WASHC2C: variants seen among roughly 807,000 people sequenced by gnomAD.
WASHC2C encodes the protein WASH complex subunit 2C.
In WASHC2C, 73 loss-of-function variants were observed where a neutral mutation model predicts 142.2. That is an observed-to-expected ratio of 0.51 (90% confidence interval 0.43 to 0.62). WASHC2C has a LOEUF of 0.62. Ranked by LOEUF, WASHC2C falls within the 20% of genes least tolerant of loss-of-function variation. WASHC2C has a pLI of 0.00. For missense variants in WASHC2C, 969 were observed against 1,531.7 expected, an observed-to-expected ratio of 0.63 and a Z score of 6.13; for synonymous variants, 337 against 565.5, an observed-to-expected ratio of 0.60 and a Z score of 5.73.
chr10:45,758,890 C>T, intron 16 of WASHC2C, among the ~76,000 whole-genome samples: 1 of 148,934 alleles, frequency 6.7e-6, no homozygotes, highest in Non-Finnish European at 1.5e-5. Flanking sequence ...GCCCTTCTGA[C>T]TGCTTGTCCT....
intron 15 of WASHC2C, 71 bp downstream of exon 15, chr10:45,755,186 C>G: frequency 1.9e-6 from 3 of 1,546,798 alleles, no homozygotes; most frequent in Non-Finnish European, 2.6e-6. Context: ...AACATAAGCT[C>G]ACCTAGTTCT....
At position 45,735,193 on chromosome 10, in the gene WASHC2C, T is replaced by A. The variant is rs1166763238; in HGVS notation, c.292-2790T>A. On this transcript the variant is annotated intron_variant, in intron 3 of 30. Transcript: ENST00000623400. The stretch of plus-strand genomic sequence containing the variant: ...GTCATGGTTATCAATCTTTGGCTTT[T>A]TACTTTTCTGTGTGAATTTGAGGAT... 2.6e-5 allele frequency among the ~76,000 whole-genome samples: 4 copies of A among 151,804 alleles called. No homozygotes were observed. In the East Asian group the frequency reaches 5.8e-4, roughly 22 times the overall value.
intron 13 of WASHC2C, 23 bp from the exon 14 acceptor site, chr10:45,754,463 T>A: frequency 6.3e-7 from 1 of 1,589,092 alleles, no homozygotes; most frequent in South Asian, 1.1e-5. Flanking sequence ...GTAAAATGGT[T>A]ACCCCTTGCT....
intron 17 of WASHC2C, among the ~76,000 whole-genome samples, chr10:45,761,877 C>G (rs1452698385): frequency 6.6e-6 from 1 of 152,150 alleles, no homozygotes; most frequent in Non-Finnish European, 1.5e-5. Context: ...CTGGAATCCC[C>G]CACGTGGCCT....
In WASHC2C at chr10:45,755,007, C is replaced by T. The variant is rs2054063901; in HGVS notation, c.1312C>T (p.Pro438Ser). 1.9e-6 allele frequency: 3 copies of T among 1,611,926 alleles called. No individual in the cohort carries two copies. The highest frequency in any genetic ancestry group is 2.5e-6 in the Non-Finnish European group (3 of 1,179,854). Residue 438 changes from proline to serine, a missense_variant, in exon 15 of 31, where the codon CCA becomes TCA. Pro to Ser is a moderately conservative substitution (Grantham distance 74, BLOSUM62 -1). Transcript: ENST00000623400. ...KEPQKPEQPT[P>S]RKSPYGPPPT... ...GCCACAGAAGCCTGAGCAGCCCACT[C>T]CAAGGAAAAGCCCCTATGGTCCCCC... is the stretch of plus-strand genomic sequence containing the variant.
At position 45,772,422 on chromosome 10, in the gene WASHC2C, A is replaced by C. The variant is rs185131054; in HGVS notation, c.2040-834A>C. 2.5e-3 allele frequency among the ~76,000 whole-genome samples: 379 copies of C among 152,338 alleles called. 3 individuals are homozygous for C. The highest frequency in any genetic ancestry group is 8.7e-3 in the African/African-American group (360 of 41,572). On this transcript the variant is annotated intron_variant, in intron 20 of 30. Transcript: ENST00000623400. Reference sequence around the variant, plus strand: ...AAACCATTGAAGTGTACGCACTTTAAAAGAGTGAATCTGGCCAGGTGCAAC... The same window carrying C: ...AAACCATTGAAGTGTACGCACTTTACAAGAGTGAATCTGGCCAGGTGCAAC...
chr10:45,737,726 G>A (rs376889142), intron 3 of WASHC2C, among the ~76,000 whole-genome samples: 1 of 151,242 alleles, frequency 6.6e-6, no homozygotes, highest in African/African-American at 2.4e-5. Flanking sequence ...GGTTTACAAC[G>A]AGGTTAAAGT....
At chr10:45,727,355 G>T in intron 1 of WASHC2C, 35 bp downstream of exon 1, 1 of 1,600,736 alleles carries the variant, frequency 6.2e-7, no homozygotes, top group Non-Finnish European at 8.5e-7. Flanking sequence ...GCCGGCCTGG[G>T]CTGGGGCCGC....
intron 17 of WASHC2C, among the ~76,000 whole-genome samples, chr10:45,761,269 A>G (rs2573388): frequency 0.018 from 2,186 of 124,122 alleles, 19 homozygotes; most frequent in African/African-American, 0.043. Flanking sequence ...CCTCTTACAT[A>G]CTGGCTCAGG....
rs781827135 is a variant in WASHC2C at position 45,787,152 on chromosome 10, G to A, written c.2992G>A (p.Gly998Ser). ...FPSSEHRRSH[G>S]LESVPVLPGS... ...TTCATCTGAACACAGAAGGAGCCAC[G>A]GTCTGGAAAGTGTGCCTGTCCTTCC... Residue 998 changes from glycine to serine, a missense_variant, in exon 28 of 31, where the codon GGT (glycine) becomes AGT (serine). By Grantham distance (56) the Gly-to-Ser change is moderately conservative. Coordinates refer to ENST00000623400, the MANE Select transcript of WASHC2C (RefSeq NM_001330074.2). The A allele has an allele frequency of 3.1e-5, 48 of 1,573,540 alleles. No individual in the cohort carries two copies. In the Admixed American group the frequency reaches 5.0e-4, roughly 16 times the overall value.
Position 45,771,193 on chromosome 10 carries a change from C to T in WASHC2C, c.2039+1575C>T, listed in dbSNP as rs556488105. Among the ~76,000 whole-genome samples the T allele has an allele frequency of 7.9e-5, 12 of 151,800 alleles. No individual in the cohort carries two copies. In the South Asian group the frequency reaches 1.5e-3, roughly 18 times the overall value. On this transcript the variant is annotated intron_variant, in intron 20 of 30. Coordinates refer to ENST00000623400, the MANE Select transcript of WASHC2C (RefSeq NM_001330074.2). ...CAGCCTGACCAACATGGTGAAACCC[C>T]GTCTCTACTAAAAATACAAAAATGA... is the stretch of plus-strand genomic sequence containing the variant.
chr10:45,729,887 C>G (rs188659307), intron 3 of WASHC2C, among the ~76,000 whole-genome samples: 20 of 152,242 alleles, frequency 1.3e-4, no homozygotes, highest in African/African-American at 4.6e-4. Context: ...ATGTAGTCAA[C>G]TTGTGCAGCA....
At position 45,750,816 on chromosome 10, in the gene WASHC2C, T is replaced by C. The variant is rs1346965643; in HGVS notation, c.909T>C (p.Gly303=). The C allele has an allele frequency of 4.5e-6, 7 of 1,548,346 alleles. No individual in the cohort carries two copies. Among genetic ancestry groups the C allele is most frequent in the South Asian group, 1.2e-5 (1 of 83,896 alleles). ...LAARIKGDAM[G]RVDEEPTTLP... ...CCCGCATCAAGGGGGATGCCATGGGTCGAGTGGACGAGGAGCCGACAAGTG... is the reference window on the plus strand; with the variant it reads ...CCCGCATCAAGGGGGATGCCATGGGCCGAGTGGACGAGGAGCCGACAAGTG... Residue 303 remains glycine, a synonymous_variant, in exon 10 of 31, where the codon GGT becomes GGC. Transcript: ENST00000623400.
intron 5 of WASHC2C, among the ~76,000 whole-genome samples, chr10:45,742,395 A>G (rs1209280146): frequency 1.3e-5 from 2 of 151,940 alleles, no homozygotes; most frequent in Non-Finnish European, 2.9e-5. Context: ...GCTCACTGCA[A>G]CCTCCACCTC....
chr10:45,766,179 C>A (rs1266601356), intron 19 of WASHC2C, among the ~76,000 whole-genome samples: 2 of 152,168 alleles, frequency 1.3e-5, no homozygotes, highest in Non-Finnish European at 2.9e-5. Context: ...TTTTACCAGA[C>A]ACAGGAGCCT....
At chr10:45,753,974 G>C (rs1338412955) in intron 13 of WASHC2C, among the ~76,000 whole-genome samples, 1 of 151,382 alleles carries the variant, frequency 6.6e-6, no homozygotes, top group Non-Finnish European at 1.5e-5. Flanking sequence ...CCTTGTGCCT[G>C]CTGTGCGGGC....
intron 3 of WASHC2C, among the ~76,000 whole-genome samples, chr10:45,734,494 TAATA>T (rs1330327883): frequency 6.6e-6 from 1 of 151,848 alleles, no homozygotes; most frequent in African/African-American, 2.4e-5. Flanking sequence ...ATAATTTATT[TAATA>T]ATCTTCTAAT....
intron 20 of WASHC2C, among the ~76,000 whole-genome samples, chr10:45,770,870 G>A (rs1311434935): frequency 2.3e-4 from 35 of 152,224 alleles, no homozygotes; most frequent in Non-Finnish European, 3.4e-4. Context: ...TTCTCTCATC[G>A]GTTTGTTGGG....
At chr10:45,754,602 C>T (rs1554876376) in intron 14 of WASHC2C, 57 bp downstream of exon 14, 2 of 1,439,208 alleles carry the variant, frequency 1.4e-6, no homozygotes, top group African/African-American at 2.9e-5. Flanking sequence ...TTTTGCATTT[C>T]AAAATTATCA....
Sources: allele counts gnomAD v4.1 joint callset (sites outside exome capture counted in the v4.1 genomes callset), GRCh38; gene constraint gnomAD v4.1.1; transcripts MANE v1.5; gene names NCBI Gene and HGNC (gene_info 2026-07-23, HGNC 2026-07-21).